The following FMN2 variants were observed in gnomAD, a reference collection of about 807,000 sequenced individuals.
The protein encoded by FMN2 is formin-2.
FMN2 carries 51 observed loss-of-function variants against 142.3 expected under a neutral mutation model. That is an observed-to-expected ratio of 0.36 (90% CI 0.29 to 0.45). The LOEUF (loss-of-function observed/expected upper bound fraction) is 0.45. Ranked by LOEUF, FMN2 falls within the 20% of genes least tolerant of loss-of-function variation. FMN2 has a pLI of 1.00. For missense variants in FMN2, 1,936 were observed against 2,122.8 expected (o/e 0.91, Z 1.73); for synonymous variants, 882 against 869.8 (o/e 1.01, Z -0.25).
At chr1:240,239,464 G>A (rs2102864606) in intron 6 of FMN2, among the ~76,000 whole-genome samples, 1 of 152,276 alleles carries the variant, frequency 6.6e-6, no homozygotes, top group Admixed American at 6.5e-5. Context: ...TCACTGACAT[G>A]CCACTGTTTA....
chr1:240,139,377 T>C (rs114298323), intron 2 of FMN2, among the ~76,000 whole-genome samples: 72 of 134,690 alleles, frequency 5.3e-4, no homozygotes, highest in African/African-American at 2.0e-3. Flanking sequence ...AAAAGGCCAT[T>C]AGTTTTTTGT....
chr1:240,340,147 A>G (rs1671699094), intron 13 of FMN2, among the ~76,000 whole-genome samples: 1 of 152,168 alleles, frequency 6.6e-6, no homozygotes, highest in Non-Finnish European at 1.5e-5. Context: ...TTTTCTTAAA[A>G]ACATTACTGC....
intron 2 of FMN2, among the ~76,000 whole-genome samples, chr1:240,171,893 G>GTTTGTA (rs5782125): frequency 0.93 from 141,030 of 151,838 alleles, 65,610 homozygotes; most frequent in African/African-American, 0.99. Flanking sequence ...ATGGTAGAAA[G>GTTTGTA]TTTGTTTTCT....
At chr1:240,294,736 T>C in intron 7 of FMN2, 86 bp from the exon 8 acceptor site, 1 of 1,220,246 alleles carries the variant, frequency 8.2e-7, no homozygotes, top group Non-Finnish European at 1.2e-6. Context: ...CTCTGGCTGC[T>C]GAGCCGTGAG....
chr1:240,331,186 A>C (rs769603087), intron 11 of FMN2, among the ~76,000 whole-genome samples: 8 of 152,148 alleles, frequency 5.3e-5, no homozygotes, highest in Non-Finnish European at 8.8e-5. Flanking sequence ...AAAATAACAC[A>C]ATGATGAGTA....
intron 14 of FMN2, among the ~76,000 whole-genome samples, chr1:240,363,151 CTCAGAAAGGAATAT>C (rs1672550227): frequency 1.3e-5 from 2 of 152,190 alleles, no homozygotes; most frequent in African/African-American, 4.8e-5. Context: ...GAATATCTTT[CTCAGAAAGGAATAT>C]TCTTTATGCA....
chr1:240,091,901 A>G lies in FMN2; in HGVS notation c.-209A>G, dbSNP rs961756841. The stretch of plus-strand genomic sequence containing the variant: ...CCTAGCCGCAGCCGCAGCCGCAGCG[A>G]CGGCAGCCACGGGAGCCGCCGCGCA... On this transcript the variant is annotated 5_prime_UTR_variant, in exon 1 of 18. Coordinates refer to ENST00000319653, the MANE Select transcript of FMN2 (RefSeq NM_020066.5). 1.6e-5 allele frequency: 13 copies of G among 788,964 alleles called. No individual in the cohort carries two copies. In the African/African-American group the frequency reaches 2.4e-4, roughly 15 times the overall value. The allele number at this position is 788,964 out of a possible 1,614,324, so 48.9% of individuals were successfully genotyped here. A position where few individuals can be genotyped will look rare whatever the true frequency, so the allele number is the denominator to read the frequency against.
chr1:240,185,084 T>C (rs869044195), intron 3 of FMN2, among the ~76,000 whole-genome samples: 8 of 142,638 alleles, frequency 5.6e-5, no homozygotes, highest in East Asian at 2.0e-4. Context: ...CTCCCTCCTA[T>C]ACCTTCCCCC....
At chr1:240,190,568 C>G (rs1316959203) in intron 4 of FMN2, among the ~76,000 whole-genome samples, 1 of 152,140 alleles carries the variant, frequency 6.6e-6, no homozygotes, top group Non-Finnish European at 1.5e-5. Context: ...GCGCATTTAA[C>G]TGCTAAAGAA....
At chr1:240,243,815 C>A (rs963100791) in intron 6 of FMN2, among the ~76,000 whole-genome samples, 5 of 152,196 alleles carry the variant, frequency 3.3e-5, no homozygotes, top group Non-Finnish European at 5.9e-5. Flanking sequence ...TGATACAGAT[C>A]AAATCATTGG....
chr1:240,098,103 T>TTTTTTTTC (rs1661281833), intron 1 of FMN2, among the ~76,000 whole-genome samples: 3 of 145,154 alleles, frequency 2.1e-5, no homozygotes, highest in African/African-American at 5.3e-5. Flanking sequence ...TTGAATTTTT[T>TTTTTTTTC]TTTTTTTTTT....
intron 2 of FMN2, chr1:240,144,769 A>G: frequency 7.2e-7 from 1 of 1,384,546 alleles, no homozygotes; most frequent in Non-Finnish European, 1.0e-6. Flanking sequence ...CACAGGCCTC[A>G]TGCTCTGCGT....
At chr1:240,282,303 C>G (rs1669425005) in intron 7 of FMN2, among the ~76,000 whole-genome samples, 1 of 152,186 alleles carries the variant, frequency 6.6e-6, no homozygotes, top group South Asian at 2.1e-4. Flanking sequence ...AAATCCAAAA[C>G]ACAAGGTCTA....
intron 2 of FMN2, chr1:240,144,854 T>G: frequency 7.0e-7 from 1 of 1,438,318 alleles, no homozygotes; most frequent in East Asian, 2.3e-5. Flanking sequence ...CTTTGCATCA[T>G]CCAGCTCCTG....
intron 7 of FMN2, among the ~76,000 whole-genome samples, chr1:240,273,555 A>G (rs1192426307): frequency 2.6e-5 from 4 of 152,024 alleles, no homozygotes; most frequent in African/African-American, 4.8e-5. Flanking sequence ...GAGCTAGTCT[A>G]CTGGTTAGAG....
chr1:240,252,208 C>A (rs1668299867), intron 6 of FMN2, among the ~76,000 whole-genome samples: 1 of 152,160 alleles, frequency 6.6e-6, no homozygotes, highest in African/African-American at 2.4e-5. Flanking sequence ...TATTTCCGGC[C>A]TCCTTAACTG....
intron 16 of FMN2, among the ~76,000 whole-genome samples, chr1:240,451,582 G>A (rs1197837950): frequency 6.6e-6 from 1 of 152,016 alleles, no homozygotes; most frequent in Non-Finnish European, 1.5e-5. Flanking sequence ...TGTTAGAGAG[G>A]CCCAACTGCC....
chr1:240,177,059 T>A (rs1348288438), intron 2 of FMN2, among the ~76,000 whole-genome samples: 1 of 152,100 alleles, frequency 6.6e-6, no homozygotes, highest in African/African-American at 2.4e-5. Context: ...GTTCTTCTCT[T>A]TGCTTTACTT....
chr1:240,124,333 G>A (rs971405192), intron 2 of FMN2, among the ~76,000 whole-genome samples: 1 of 152,198 alleles, frequency 6.6e-6, no homozygotes, highest in African/African-American at 2.4e-5. Flanking sequence ...ATGCTATTTT[G>A]TGCGTTCCTA....
Sources: allele counts gnomAD v4.1 joint callset (sites outside exome capture counted in the v4.1 genomes callset), GRCh38; gene constraint gnomAD v4.1.1; transcripts MANE v1.5; gene names NCBI Gene and HGNC (gene_info 2026-07-23, HGNC 2026-07-21).